The following FLNB variants were observed in gnomAD, a reference collection of about 807,000 sequenced individuals.
The protein encoded by FLNB is filamin-B.
Under a neutral mutation model 250.6 loss-of-function variants are expected in FLNB, and 111 were observed. That is an observed-to-expected ratio of 0.44 (90% CI 0.38 to 0.52). FLNB has a LOEUF of 0.52. FLNB is among the 20% of genes least tolerant of loss of function. The pLI, the probability that FLNB is intolerant of heterozygous loss-of-function variation, is 0.00. For missense variants in FLNB, 2,869 were observed against 3,447.8 expected, an observed-to-expected ratio of 0.83 and a Z score of 4.20; for synonymous variants, 1,302 against 1,372.1, an observed-to-expected ratio of 0.95 and a Z score of 1.13.
At chr3:58,078,467 A>G (rs1379061005) in intron 2 of FLNB, 1 of 1,535,948 alleles carries the variant, frequency 6.5e-7, no homozygotes, top group African/African-American at 1.4e-5. Flanking sequence ...TCTTCAAGGA[A>G]TGGATAATCC....
chr3:58,117,539 G>T (rs1198036843), intron 18 of FLNB, among the ~76,000 whole-genome samples: 3 of 152,162 alleles, frequency 2.0e-5, no homozygotes, highest in Non-Finnish European at 4.4e-5. Context: ...TAGGGGCTGT[G>T]GGGAAACGGA....
intron 19 of FLNB, among the ~76,000 whole-genome samples, chr3:58,119,368 A>G (rs2097284465): frequency 6.6e-6 from 1 of 152,208 alleles, no homozygotes; most frequent in African/African-American, 2.4e-5. Flanking sequence ...CTTTCTGATG[A>G]GTTTCTAACT....
intron 18 of FLNB, among the ~76,000 whole-genome samples, chr3:58,117,779 T>C (rs2097281215): frequency 1.3e-5 from 2 of 151,226 alleles, no homozygotes; most frequent in Admixed American, 1.3e-4. Flanking sequence ...CTCTCTTCAT[T>C]GATGCAACCA....
Position 58,164,816 on chromosome 3 carries a change from T to G in FLNB, c.7198+1486T>G, listed in dbSNP as rs1471858730. ...GATGTGGAAAGTGAGATGCAGAGGT[T>G]GAGTCACTCCCCAAACAACACTCCC... On this transcript the variant is annotated intron_variant, in intron 43 of 45. Transcript: ENST00000295956. This position sits in a 1 kb window ranked among gnomAD's most constrained non-coding sequence, Gnocchi z 4.0. 1 of 152,454 alleles carries G rather than the reference T, an allele frequency of 6.6e-6. No homozygotes were observed. The highest frequency in any genetic ancestry group is 1.9e-4 in the East Asian group (1 of 5,206). The allele number at this position is 152,454 out of a possible 1,614,324, so 9.4% of individuals were successfully genotyped here. A position where few individuals can be genotyped will look rare whatever the true frequency, so the allele number is the denominator to read the frequency against.
intron 24 of FLNB, among the ~76,000 whole-genome samples, chr3:58,130,228 TC>T (rs1442100018): frequency 1.3e-5 from 2 of 152,280 alleles, no homozygotes; most frequent in Admixed American, 6.5e-5. Context: ...GTTCTGTTGT[TC>T]CACCACTTGG....
At chr3:58,116,543 TG>T (rs1232073615) in intron 18 of FLNB, among the ~76,000 whole-genome samples, 4 of 152,180 alleles carry the variant, frequency 2.6e-5, no homozygotes, top group African/African-American at 9.7e-5. Flanking sequence ...AGCTTGCAGG[TG>T]CTTGCCTGCC....
chr3:58,112,194 G>T lies in FLNB; in HGVS notation c.2621G>T (p.Gly874Val). The change falls in exon 18 of 46, where the codon GGG becomes GTG. Residue 874 changes from glycine (G) to valine (V), a missense_variant. Around this residue, in one of 5 missense-constraint regions of FLNB, gnomAD observed 1,348 missense variants for 1,466.7 expected, o/e 0.92. Coordinates refer to ENST00000295956, the MANE Select transcript of FLNB (RefSeq NM_001457.4). Reference protein sequence around the residue: ...KPTHFTVYTKGAGKAPLNVQF... With the variant: ...KPTHFTVYTKVAGKAPLNVQF... ...ACCCACTTCACTGTCTACACCAAGG[G>T]GGCTGGGAAAGCCCCGCTCAACGTG... 1 of 1,614,144 alleles carries T rather than the reference G, an allele frequency of 6.2e-7. No individual in the cohort carries two copies. The highest frequency in any genetic ancestry group is 8.5e-7 in the Non-Finnish European group (1 of 1,180,024).
chr3:58,072,597 T>TTGG (rs1203457338), intron 1 of FLNB, among the ~76,000 whole-genome samples: 3 of 152,206 alleles, frequency 2.0e-5, no homozygotes, highest in African/African-American at 7.2e-5. Flanking sequence ...CTGGAGGTCT[T>TTGG]TGGGCAAGTC....
chr3:58,024,819 T>A (rs571495013), intron 1 of FLNB, among the ~76,000 whole-genome samples: 116 of 150,272 alleles, frequency 7.7e-4, no homozygotes, highest in Non-Finnish European at 1.4e-3. Context: ...GTTCAAGCGA[T>A]TCTCCTGCCT....
intron 1 of FLNB, among the ~76,000 whole-genome samples, chr3:58,057,815 A>G (rs1395962821): frequency 4.6e-5 from 7 of 151,910 alleles, no homozygotes; most frequent in Admixed American, 2.0e-4. Context: ...TTTGAGACAG[A>G]GTTTTGCTCT....
intron 42 of FLNB, among the ~76,000 whole-genome samples, chr3:58,161,038 TA>T (rs2097360750): frequency 6.6e-6 from 1 of 152,230 alleles, no homozygotes; most frequent in East Asian, 1.9e-4. Context: ...CTATGTTTCC[TA>T]GTAGGCAGAA....
chr3:58,133,687 C>A (rs888553186), intron 26 of FLNB, among the ~76,000 whole-genome samples: 1 of 151,930 alleles, frequency 6.6e-6, no homozygotes, highest in African/African-American at 2.4e-5. Context: ...AAGCTCTTCA[C>A]CTCTTGGAAC....
chr3:58,021,025 C>T (rs7634753), intron 1 of FLNB, among the ~76,000 whole-genome samples: 48,811 of 151,906 alleles, frequency 0.32, 8,794 homozygotes, highest in Middle Eastern at 0.46. Context: ...CAGTTTCCCC[C>T]GTGTCCCAAG....
intron 20 of FLNB, 50 bp from the exon 21 acceptor site, chr3:58,123,043 G>T: frequency 3.3e-6 from 5 of 1,522,566 alleles, no homozygotes; most frequent in Non-Finnish European, 4.6e-6. Context: ...AAGCAGTGCT[G>T]GCTGAGCAGC....
chr3:58,032,020 C>T (rs1489463042), intron 1 of FLNB, among the ~76,000 whole-genome samples: 2 of 152,046 alleles, frequency 1.3e-5, no homozygotes, highest in Non-Finnish European at 2.9e-5. Context: ...CCTCCACTTC[C>T]CAGGGTCAAG....
chr3:58,156,197 T>C, intron 41 of FLNB, 122 bp downstream of exon 41: 1 of 732,388 alleles, frequency 1.4e-6, no homozygotes, highest in Non-Finnish European at 2.4e-6. Context: ...TGACCACAGA[T>C]GTCACCCAGT....
chr3:58,056,886 G>C (rs903987222), intron 1 of FLNB, among the ~76,000 whole-genome samples: 1 of 152,236 alleles, frequency 6.6e-6, no homozygotes, highest in African/African-American at 2.4e-5. Flanking sequence ...ACCACGCCCT[G>C]TGACTAACTC....
intron 1 of FLNB, among the ~76,000 whole-genome samples, chr3:58,060,352 CT>C (rs138957329): frequency 0.29 from 39,012 of 135,932 alleles, 5,671 homozygotes; most frequent in South Asian, 0.48. Flanking sequence ...CCCTGTCTCT[CT>C]TTTTTTTTTT....
At position 58,103,982 on chromosome 3, in the gene FLNB, C is replaced by G. The variant is rs892239105; in HGVS notation, c.1507C>G (p.Gln503Glu). ...GPKGLEELVK[Q>E]KDFLDGVYAF... Reference sequence around the variant, plus strand: ...AGAGGGTCTGGAGGAGCTGGTGAAGCAGAAAGACTTTCTGGATGGGGTCTA... The same window carrying G: ...AGAGGGTCTGGAGGAGCTGGTGAAGGAGAAAGACTTTCTGGATGGGGTCTA... The change falls in exon 10 of 46, where the codon CAG (glutamine) becomes GAG (glutamate). Residue 503 changes from glutamine to glutamate, a missense_variant. Physicochemically the swap from Gln to Glu is conservative, Grantham distance 29. Around this residue, in one of 5 missense-constraint regions of FLNB, gnomAD observed 1,348 missense variants for 1,466.7 expected, o/e 0.92. Transcript: ENST00000295956. 9 of 1,614,084 alleles carry G rather than the reference C, an allele frequency of 5.6e-6. No individual in the cohort carries two copies. The East Asian group carries it at 1.3e-4, about 24-fold the overall frequency.
Sources: gnomAD v4.1 joint callset for allele counts (sites outside exome capture counted in the v4.1 genomes callset) on GRCh38, gnomAD v4.1.1 for gene constraint, gnomAD v4.1.1 regional missense constraint, Gnocchi (gnomAD v3.1) non-coding constraint, MANE v1.5 for transcripts, NCBI Gene and HGNC (gene_info 2026-07-23, HGNC 2026-07-21) for gene names.